DCTN5: variants seen among roughly 807,000 people sequenced by gnomAD.
DCTN5 encodes the protein dynactin subunit 5.
In DCTN5, 14 loss-of-function variants were observed where a neutral mutation model predicts 23.5. The ratio of observed to expected loss-of-function variants is 0.60; its 90% CI spans 0.39 to 0.93. The LOEUF (loss-of-function observed/expected upper bound fraction) is 0.93. Ranked by LOEUF, DCTN5 falls within the 40% of genes least tolerant of loss-of-function variation. The pLI, the probability that DCTN5 is intolerant of heterozygous loss-of-function variation, is 0.00. For missense variants in DCTN5, 156 were observed against 225.9 expected (o/e 0.69, Z 1.98); for synonymous variants, 67 against 79.6 (o/e 0.84, Z 0.84).
Position 23,668,069 on chromosome 16 carries a change from T to G in DCTN5, c.*925T>G, listed in dbSNP as rs1461220893. 1 of 152,244 alleles carries G rather than the reference T, an allele frequency of 6.6e-6. No homozygotes were observed. The highest frequency in any genetic ancestry group is 1.5e-5 in the Non-Finnish European group (1 of 68,048). 9.4% of individuals were successfully genotyped at this position (152,244 alleles called of 1,614,324 possible). On this transcript the variant is annotated 3_prime_UTR_variant, in exon 6 of 6. Coordinates refer to ENST00000300087, the MANE Select transcript of DCTN5 (RefSeq NM_032486.4). ...ACAGGAAGGGCTCTTAGAATCAGTT[T>G]GTGGGCACAGAGCCTCAGGAGTAAA...
chr16:23,643,064 G>A (rs772276721), intron 2 of DCTN5, 41 bp downstream of exon 2: 16 of 1,553,838 alleles, frequency 1.0e-5, no homozygotes, highest in Non-Finnish European at 1.3e-5. Context: ...ACCTTAGCTT[G>A]CGTTCTGCTA....
chr16:23,660,723 A>G (rs1967794500), intron 3 of DCTN5, among the ~76,000 whole-genome samples: 1 of 152,206 alleles, frequency 6.6e-6, no homozygotes, highest in Non-Finnish European at 1.5e-5. Context: ...TCTGGCACAT[A>G]GTAGTCACTC....
intron 2 of DCTN5, among the ~76,000 whole-genome samples, chr16:23,650,525 C>T (rs548525699): frequency 1.9e-4 from 29 of 150,278 alleles, no homozygotes; most frequent in Admixed American, 4.0e-4. Flanking sequence ...CGGGTTTCAC[C>T]ATGTTGGCCA....
chr16:23,649,258 A>C (rs866257596), intron 2 of DCTN5, among the ~76,000 whole-genome samples: 14 of 152,332 alleles, frequency 9.2e-5, no homozygotes, highest in South Asian at 6.2e-4. Context: ...CCATTTAAAA[A>C]ATTAGATTGA....
chr16:23,643,983 C>T (rs894500297), intron 2 of DCTN5, among the ~76,000 whole-genome samples: 1 of 151,990 alleles, frequency 6.6e-6, no homozygotes, highest in Non-Finnish European at 1.5e-5. Context: ...TCTCTAACTT[C>T]CAGAAGGAAA....
Position 23,667,381 on chromosome 16 carries a change from C to T in DCTN5, c.*237C>T, listed in dbSNP as rs1967926433. The T allele has an allele frequency of 1.9e-6, 1 of 539,868 alleles. No homozygotes were observed. Among genetic ancestry groups the T allele is most frequent in the Non-Finnish European group, 3.3e-6 (1 of 300,794 alleles). 33.4% of individuals were successfully genotyped at this position (539,868 alleles called of 1,614,324 possible). ...GCTGTGCTTACACCTTATCTATGAA[C>T]AGTCACTTTGTACCATTATCTGTGG... On this transcript the variant is annotated 3_prime_UTR_variant, in exon 6 of 6. Transcript: ENST00000300087.
At chr16:23,652,146 T>TTGAGA (rs58897864) in intron 2 of DCTN5, among the ~76,000 whole-genome samples, 9,602 of 152,264 alleles carry the variant, frequency 0.063, 623 homozygotes, top group African/African-American at 0.16. Context: ...ACGTATGCAG[T>TTGAGA]TGAGTAAGTT....
chr16:23,662,593 T>A (rs1371152119), intron 4 of DCTN5, among the ~76,000 whole-genome samples: 1 of 152,196 alleles, frequency 6.6e-6, no homozygotes, highest in Non-Finnish European at 1.5e-5. Flanking sequence ...CTGCCCTGGA[T>A]AAGACTCAGA....
intron 2 of DCTN5, among the ~76,000 whole-genome samples, chr16:23,646,132 G>T (rs1427790473): frequency 1.3e-5 from 2 of 152,078 alleles, no homozygotes. Context: ...CCATCCAAGG[G>T]AGTATAAAAT....
At position 23,641,495 on chromosome 16, in the gene DCTN5, C is replaced by G. The variant is rs929661968; in HGVS notation, c.-48C>G. The G allele has an allele frequency of 2.5e-6, 4 of 1,611,716 alleles. No homozygotes were observed. ...GTAGCCGGAATCTCTGAAAGACTGA[C>G]CGACTGACTCTGACAGGATCCGGGG... On this transcript the variant is annotated 5_prime_UTR_variant, in exon 1 of 6. Coordinates refer to ENST00000300087, the MANE Select transcript of DCTN5 (RefSeq NM_032486.4).
chr16:23,641,662 A>G, intron 1 of DCTN5, 72 bp downstream of exon 1: 1 of 1,491,950 alleles, frequency 6.7e-7, no homozygotes, highest in Admixed American at 1.7e-5. Flanking sequence ...GGCGTTCCCA[A>G]CCTGCCCCTA....
intron 2 of DCTN5, among the ~76,000 whole-genome samples, chr16:23,648,489 A>G (rs1302079899): frequency 6.6e-6 from 1 of 151,756 alleles, no homozygotes; most frequent in East Asian, 1.9e-4. Flanking sequence ...AGCTGGGATT[A>G]CAGGTGCACA....
intron 2 of DCTN5, among the ~76,000 whole-genome samples, chr16:23,645,583 A>T (rs373684191): frequency 2.0e-4 from 31 of 152,328 alleles, no homozygotes; most frequent in African/African-American, 7.2e-4. Flanking sequence ...CATTGCTGAT[A>T]GCCTGAATCT....
chr16:23,664,142 TA>T (rs1018915917), intron 4 of DCTN5, among the ~76,000 whole-genome samples: 1 of 152,238 alleles, frequency 6.6e-6, no homozygotes, highest in African/African-American at 2.4e-5. Flanking sequence ...ATAGTTGCCC[TA>T]TTTTTGAAAT....
At chr16:23,645,151 T>TTA (rs1967428900) in intron 2 of DCTN5, among the ~76,000 whole-genome samples, 1 of 104,776 alleles carries the variant, frequency 9.5e-6, no homozygotes, top group African/African-American at 3.6e-5. Flanking sequence ...TTTTTTTTTT[T>TTA]AATACGCAGT....
At chr16:23,643,578 G>A (rs1967356982) in intron 2 of DCTN5, among the ~76,000 whole-genome samples, 2 of 151,992 alleles carry the variant, frequency 1.3e-5, no homozygotes, top group African/African-American at 4.8e-5. Flanking sequence ...AAATACAGTG[G>A]TACCTAGAAC....
At chr16:23,647,138 T>TTTTTTTTTGTTTTTTTTG (rs1555463135) in intron 2 of DCTN5, among the ~76,000 whole-genome samples, 21 of 143,864 alleles carry the variant, frequency 1.5e-4, no homozygotes, top group African/African-American at 4.7e-4. Context: ...TTTTCTGGTT[T>TTTTTTTTTGTTTTTTTTG]TTTTTTTTTT....
At position 23,669,344 on chromosome 16, in the gene DCTN5, C is replaced by G. The variant is rs189361188; in HGVS notation, c.*2200C>G. 6.6e-6 allele frequency: 1 copy of G among 152,232 alleles called. No individual in the cohort carries two copies. The highest frequency in any genetic ancestry group is 1.5e-5 in the Non-Finnish European group (1 of 68,096). The allele number at this position is 152,232 out of a possible 1,614,324, so 9.4% of individuals were successfully genotyped here. A position where few individuals can be genotyped will look rare whatever the true frequency, so the allele number is the denominator to read the frequency against. On this transcript the variant is annotated 3_prime_UTR_variant, in exon 6 of 6. Transcript: ENST00000300087. The stretch of plus-strand genomic sequence containing the variant: ...CAAACAGGGATCTGTCTCTTTGGCT[C>G]TCAGCTCTGCTTTCATTTGAGTTGG...
chr16:23,650,815 T>C, intron 2 of DCTN5: 1 of 1,519,436 alleles, frequency 6.6e-7, no homozygotes, highest in South Asian at 1.2e-5. Context: ...CCTGCAGGGA[T>C]AGAAAGAGAT....
Sources: allele counts gnomAD v4.1 joint callset (sites outside exome capture counted in the v4.1 genomes callset), GRCh38; gene constraint gnomAD v4.1.1; transcripts MANE v1.5; gene names NCBI Gene and HGNC (gene_info 2026-07-23, HGNC 2026-07-21).